Variants in DCC observed in about 807,000 individuals in gnomAD.
The protein encoded by DCC is netrin receptor DCC.
A neutral mutation model predicts 172.5 loss-of-function variants in DCC; 58 were observed. The ratio of observed to expected loss-of-function variants is 0.34; its 90% confidence interval spans 0.27 to 0.42. DCC has a LOEUF of 0.42. Ranked by LOEUF, DCC falls within the 10% of genes least tolerant of loss-of-function variation. The pLI, the probability that DCC is intolerant of heterozygous loss-of-function variation, is 1.00. For synonymous variants in DCC, 709 were observed against 644.5 expected, an observed-to-expected ratio of 1.10 and a Z score of -1.52; for missense variants, 1,740 against 1,791.0, an observed-to-expected ratio of 0.97 and a Z score of 0.51.
At chr18:52,945,930 A>G (rs944502928) in intron 5 of DCC, among the ~76,000 whole-genome samples, 1 of 152,314 alleles carries the variant, frequency 6.6e-6, no homozygotes, top group African/African-American at 2.4e-5. Flanking sequence ...AAGACATGGC[A>G]ACCTGGAACT....
intron 8 of DCC, among the ~76,000 whole-genome samples, chr18:53,163,647 A>C (rs1480750107): frequency 6.6e-6 from 1 of 152,110 alleles, no homozygotes; most frequent in African/African-American, 2.4e-5. Context: ...TTTTTATCCA[A>C]CCCCTTGGGG....
chr18:53,078,333 T>C (rs2042750242), intron 7 of DCC, among the ~76,000 whole-genome samples: 1 of 152,152 alleles, frequency 6.6e-6, no homozygotes, highest in Admixed American at 6.6e-5. Context: ...TACCTAGATA[T>C]TGATTTTTTA....
rs192460698 is a variant in DCC at position 53,519,059 on chromosome 18, A to G, written c.4112-7558A>G. ...CTGGCTGGAGATTCCTTTAGATTCAATGGATCAACTAATTCTTCCTAAGTC... is the reference window on the plus strand; with the variant it reads ...CTGGCTGGAGATTCCTTTAGATTCAGTGGATCAACTAATTCTTCCTAAGTC... On this transcript the variant is annotated intron_variant, in intron 27 of 28. Coordinates refer to ENST00000442544, the MANE Select transcript of DCC (RefSeq NM_005215.4). Among the ~76,000 whole-genome samples the G allele has an allele frequency of 6.8e-4, 104 of 152,276 alleles. 1 individual carries two copies. The highest frequency in any genetic ancestry group is 1.4e-3 in the Admixed American group (21 of 15,278).
At chr18:52,896,028 G>T (rs144015471) in intron 2 of DCC, among the ~76,000 whole-genome samples, 2,468 of 152,084 alleles carry the variant, frequency 0.016, 61 homozygotes, top group African/African-American at 0.053. Context: ...CAGGTGATTC[G>T]CCTGCTTAGG....
rs573866378 is a variant in DCC at position 52,404,206 on chromosome 18, A to G, written c.91+63328A>G. Among the ~76,000 whole-genome samples, 11 of 152,120 alleles carry G rather than the reference A, an allele frequency of 7.2e-5. No individual in the cohort carries two copies. In the South Asian group the frequency reaches 2.3e-3, roughly 32 times the overall value. On this transcript the variant is annotated intron_variant, in intron 1 of 28. Coordinates refer to ENST00000442544, the MANE Select transcript of DCC (RefSeq NM_005215.4). Reference sequence around the variant, plus strand: ...CTGAACTCTAGAGACATCATTTATCATGTATTAAGGAGGGAAATGATTATG... The same window carrying G: ...CTGAACTCTAGAGACATCATTTATCGTGTATTAAGGAGGGAAATGATTATG...
chr18:52,921,262 C>T (rs2040120811), intron 3 of DCC, among the ~76,000 whole-genome samples: 2 of 152,172 alleles, frequency 1.3e-5, no homozygotes, highest in Admixed American at 1.3e-4. Flanking sequence ...GGAGAAACTG[C>T]ATTGCAAGGG....
chr18:52,599,399 G>A (rs376710049), intron 1 of DCC, among the ~76,000 whole-genome samples: 3 of 152,218 alleles, frequency 2.0e-5, no homozygotes, highest in Admixed American at 2.0e-4. Flanking sequence ...CCACTGTGGC[G>A]TGAAAGCAGT....
In DCC at chr18:52,866,721, C is replaced by T. The variant is rs117545598; in HGVS notation, c.413-39323C>T. Among the ~76,000 whole-genome samples the T allele has an allele frequency of 2.1e-3, 320 of 152,236 alleles. 4 individuals carry two copies. In the East Asian group the frequency reaches 0.051, roughly 24 times the overall value. ...TGTATAGGAATGCTTATGATTTTCGCACATTGATTTTGTATCCGGAGACTT... is the reference window on the plus strand; with the variant it reads ...TGTATAGGAATGCTTATGATTTTCGTACATTGATTTTGTATCCGGAGACTT... On this transcript the variant is annotated intron_variant, in intron 2 of 28. Coordinates refer to ENST00000442544, the MANE Select transcript of DCC (RefSeq NM_005215.4).
At chr18:53,271,786 C>G (rs1048460069) in intron 12 of DCC, among the ~76,000 whole-genome samples, 19 of 152,106 alleles carry the variant, frequency 1.2e-4, no homozygotes, top group Non-Finnish European at 2.6e-4. Context: ...GGGGTTTACA[C>G]AAAAGGGATC....
chr18:53,241,404 G>A (rs1009117669), intron 12 of DCC, among the ~76,000 whole-genome samples: 47 of 152,092 alleles, frequency 3.1e-4, no homozygotes, highest in Non-Finnish European at 1.0e-4. Flanking sequence ...TTTCCCCCAC[G>A]GAGCAGCACC....
chr18:52,567,356 G>T (rs1199604533), intron 1 of DCC, among the ~76,000 whole-genome samples: 2 of 152,084 alleles, frequency 1.3e-5, no homozygotes, highest in Non-Finnish European at 2.9e-5. Context: ...TATAAGTGCT[G>T]CCTTGTGTGA....
chr18:53,164,435 A>T (rs141701652), intron 8 of DCC, among the ~76,000 whole-genome samples: 27 of 152,242 alleles, frequency 1.8e-4, no homozygotes, highest in Non-Finnish European at 3.1e-4. Flanking sequence ...TATATATATA[A>T]AAAGAACATT....
chr18:52,790,875 A>G (rs994075340), intron 2 of DCC, among the ~76,000 whole-genome samples: 3 of 152,156 alleles, frequency 2.0e-5, no homozygotes, highest in Non-Finnish European at 2.9e-5. Flanking sequence ...AAATTTTAGA[A>G]AGCTTCTATA....
intron 15 of DCC, among the ~76,000 whole-genome samples, chr18:53,347,796 C>A (rs942836006): frequency 6.6e-6 from 1 of 151,974 alleles, no homozygotes; most frequent in Non-Finnish European, 1.5e-5. Context: ...GGGCAACAGG[C>A]AAAAAGAGAG....
At chr18:53,286,733 G>A (rs1449986209) in intron 12 of DCC, among the ~76,000 whole-genome samples, 2 of 152,164 alleles carry the variant, frequency 1.3e-5, no homozygotes, top group Non-Finnish European at 2.9e-5. Flanking sequence ...CACGCTTACA[G>A]GGCATCATAG....
chr18:53,079,425 A>G (rs2042767767), intron 7 of DCC, among the ~76,000 whole-genome samples: 2 of 152,158 alleles, frequency 1.3e-5, no homozygotes, highest in African/African-American at 2.4e-5. Context: ...ACTGATAAAA[A>G]TGGTAAATAT....
At chr18:53,046,850 G>T (rs1178701202) in intron 5 of DCC, among the ~76,000 whole-genome samples, 2 of 151,854 alleles carry the variant, frequency 1.3e-5, no homozygotes, top group Non-Finnish European at 2.9e-5. Context: ...GGACAGTTCA[G>T]TGACTTACTC....
rs192846998 is a variant in DCC, at chr18:52,340,816, T to G, written c.29T>G (p.Val10Gly). 1 of 1,614,122 alleles carries G rather than the reference T, an allele frequency of 6.2e-7. No homozygotes were observed. Residue 10 changes from valine to glycine, a missense_variant, in exon 1 of 29, where the codon GTA becomes GGA. By Grantham distance (109) the Val-to-Gly change is moderately radical. Around this residue, in one of 2 missense-constraint regions of DCC, gnomAD observed 1,732 missense variants for 1,767.4 expected, o/e 0.98. Coordinates refer to ENST00000442544, the MANE Select transcript of DCC (RefSeq NM_005215.4). ...GAGAATAGTCTTAGATGTGTTTGGG[T>G]ACCCAAGCTGGCTTTTGTACTCTTC... MENSLRCVW[V>G]PKLAFVLFGA...
At chr18:53,391,462 A>C (rs1368778141) in intron 16 of DCC, among the ~76,000 whole-genome samples, 193 bp from the exon 17 acceptor site, 1 of 152,234 alleles carries the variant, frequency 6.6e-6, no homozygotes, top group Non-Finnish European at 1.5e-5. Context: ...ACTTTTTTGC[A>C]ATATAGCAAT....
Sources: gnomAD v4.1 joint callset for allele counts (sites outside exome capture counted in the v4.1 genomes callset) on GRCh38, gnomAD v4.1.1 for gene constraint, gnomAD v4.1.1 regional missense constraint, MANE v1.5 for transcripts, NCBI Gene and HGNC (gene_info 2026-07-23, HGNC 2026-07-21) for gene names.